SIK3: variants seen among roughly 807,000 people sequenced by gnomAD.
SIK3 encodes the protein serine/threonine-protein kinase SIK3.
A neutral mutation model predicts 144.2 loss-of-function variants in SIK3; 28 were observed. The observed-to-expected ratio is 0.19, with a 90% CI of 0.14 to 0.27. The LOEUF (loss-of-function observed/expected upper bound fraction) is 0.27. SIK3 is among the 10% of genes least tolerant of loss of function. The pLI, the probability that SIK3 is intolerant of heterozygous loss-of-function variation, is 1.00. For synonymous variants in SIK3, 686 were observed against 676.3 expected, an observed-to-expected ratio of 1.01 and a Z score of -0.22; for missense variants, 1,319 against 1,776.0, an observed-to-expected ratio of 0.74 and a Z score of 4.62.
intron 5 of SIK3, 114 bp downstream of exon 5, chr11:116,897,079 G>T: frequency 9.0e-7 from 1 of 1,113,936 alleles, no homozygotes; most frequent in Non-Finnish European, 1.2e-6. Context: ...TGAAAGAACA[G>T]GTGACCAGGA....
intron 1 of SIK3, among the ~76,000 whole-genome samples, chr11:117,068,773 A>T (rs541846584): frequency 1.8e-4 from 28 of 152,376 alleles, no homozygotes; most frequent in South Asian, 4.1e-4. Flanking sequence ...GCCTTTGGTT[A>T]TTCCTAACCC....
At chr11:117,090,915 T>C (rs1243286341) in intron 1 of SIK3, among the ~76,000 whole-genome samples, 3 of 152,250 alleles carry the variant, frequency 2.0e-5, no homozygotes, top group Non-Finnish European at 4.4e-5. Flanking sequence ...TTGGTTTGTC[T>C]TATAGAAAGG....
chr11:117,017,980 G>A (rs933799950), intron 1 of SIK3, among the ~76,000 whole-genome samples: 4 of 152,030 alleles, frequency 2.6e-5, no homozygotes, highest in South Asian at 2.1e-4. Context: ...ATGAAAATAC[G>A]AACACTTCAT....
intron 1 of SIK3, among the ~76,000 whole-genome samples, chr11:116,966,484 T>C (rs539222051): frequency 9.5e-4 from 145 of 152,302 alleles, no homozygotes; most frequent in African/African-American, 3.4e-3. Context: ...CTTATACACA[T>C]AGCTTGAAGG....
At chr11:117,082,615 G>A (rs1378673174) in intron 1 of SIK3, among the ~76,000 whole-genome samples, 1 of 152,186 alleles carries the variant, frequency 6.6e-6, no homozygotes, top group Non-Finnish European at 1.5e-5. Flanking sequence ...TTAGGGCTGA[G>A]AAGAGAGGTT....
intron 1 of SIK3, among the ~76,000 whole-genome samples, chr11:116,985,667 T>C (rs1412391012): frequency 6.6e-6 from 1 of 152,248 alleles, no homozygotes; most frequent in Non-Finnish European, 1.5e-5. Context: ...CTTGCATGTA[T>C]GATACTAAGA....
chr11:116,858,915 T>G lies in SIK3; in HGVS notation c.2766-216A>C, dbSNP rs1383340257. Among the ~76,000 whole-genome samples, 1 of 152,118 alleles carries G rather than the reference T, an allele frequency of 6.6e-6. No homozygotes were observed. The highest frequency in any genetic ancestry group is 1.5e-5 in the Non-Finnish European group (1 of 68,014). On this transcript the variant is annotated intron_variant, in intron 20 of 24. Transcript: ENST00000445177. This position sits in a 1 kb window ranked among gnomAD's most constrained non-coding sequence, Gnocchi z 5.4. The stretch of plus-strand genomic sequence containing the variant: ...GCACTGCGTGGGTAATAGATCTAGC[T>G]CATTTTGAAGGAAGCAACTTCAAGA...
intron 3 of SIK3, among the ~76,000 whole-genome samples, chr11:116,930,412 A>G (rs985133887): frequency 2.6e-5 from 4 of 152,224 alleles, no homozygotes; most frequent in Non-Finnish European, 4.4e-5. Flanking sequence ...TATATGCTCT[A>G]GAGGCAGGCA....
chr11:117,074,314 C>A (rs1565618172), intron 1 of SIK3, among the ~76,000 whole-genome samples: 1 of 152,150 alleles, frequency 6.6e-6, no homozygotes, highest in Non-Finnish European at 1.5e-5. Flanking sequence ...AGGTCTACTT[C>A]CTCTTATTTT....
chr11:117,088,502 C>T (rs568918303), intron 1 of SIK3, among the ~76,000 whole-genome samples: 1 of 152,186 alleles, frequency 6.6e-6, no homozygotes, highest in Admixed American at 6.5e-5. Flanking sequence ...ACAAACTCAG[C>T]TCTTATTTTT....
chr11:116,844,407 AATAATG>A lies in SIK3; in HGVS notation c.*1230_*1235del, dbSNP rs1047714942. ...AAAATTCCTTTTCTCTTTATTTATT[AATAATG>A]ATAATAACAATAATATCAACATTTA... On this transcript the variant is annotated 3_prime_UTR_variant, in exon 25 of 25. Transcript: ENST00000445177. 5.9e-5 allele frequency: 9 copies of A among 151,542 alleles called. No homozygotes were observed. The highest frequency in any genetic ancestry group is 2.6e-4 in the Admixed American group (4 of 15,160). 9.4% of individuals were successfully genotyped at this position (151,542 alleles called of 1,614,324 possible). A position where few individuals can be genotyped will look rare whatever the true frequency, so the allele number is the denominator to read the frequency against.
At chr11:116,973,496 G>A (rs1035500503) in intron 1 of SIK3, among the ~76,000 whole-genome samples, 9 of 152,140 alleles carry the variant, frequency 5.9e-5, no homozygotes, top group African/African-American at 7.2e-5. Context: ...AAGTAAATAT[G>A]TCAGGCTCCT....
Position 117,029,487 on chromosome 11 carries a change from T to C in SIK3, c.273+68656A>G, listed in dbSNP as rs1565574353. Among the ~76,000 whole-genome samples, 3 of 152,048 alleles carry C rather than the reference T, an allele frequency of 2.0e-5. 1 individual carries two copies. The South Asian group carries it at 6.2e-4, about 32-fold the overall frequency. On this transcript the variant is annotated intron_variant, in intron 1 of 24. Coordinates refer to ENST00000445177, the MANE Select transcript of SIK3 (RefSeq NM_001366686.3). The stretch of plus-strand genomic sequence containing the variant: ...TAAAATTAAAAATTAAAAGACAAAA[T>C]GGTTTTAATGTGAAGGATGAAACTG...
chr11:116,893,089 T>A (rs573762434), intron 6 of SIK3, among the ~76,000 whole-genome samples: 1 of 152,118 alleles, frequency 6.6e-6, no homozygotes, highest in African/African-American at 2.4e-5. Flanking sequence ...CACAGAGGAT[T>A]TGGGGGCAGT....
intron 3 of SIK3, among the ~76,000 whole-genome samples, chr11:116,940,345 T>G (rs1290163178): frequency 6.6e-6 from 1 of 151,374 alleles, no homozygotes; most frequent in South Asian, 2.1e-4. Flanking sequence ...TTCTTGTACC[T>G]CAGCCTCCCG....
chr11:117,014,834 C>G (rs1406671922), intron 1 of SIK3, among the ~76,000 whole-genome samples: 2 of 152,168 alleles, frequency 1.3e-5, no homozygotes, highest in Admixed American at 6.6e-5. Context: ...GAGGCCGAGG[C>G]AGGTGAATGG....
intron 4 of SIK3, among the ~76,000 whole-genome samples, chr11:116,915,490 T>A (rs2135003439): frequency 6.6e-6 from 1 of 152,330 alleles, no homozygotes; most frequent in East Asian, 1.9e-4. Context: ...CATTACTTAT[T>A]AGCACTTCTT....
chr11:117,071,620 T>C (rs1324556063), intron 1 of SIK3, among the ~76,000 whole-genome samples: 1 of 151,850 alleles, frequency 6.6e-6, no homozygotes. Flanking sequence ...TTCCAAGAGT[T>C]GTTGTTTTGT....
chr11:116,933,740 A>G (rs957207084), intron 3 of SIK3, among the ~76,000 whole-genome samples: 2 of 152,156 alleles, frequency 1.3e-5, no homozygotes, highest in African/African-American at 4.8e-5. Flanking sequence ...TCCTACACTC[A>G]AACAATTAAG....
Sources: allele counts gnomAD v4.1 joint callset (sites outside exome capture counted in the v4.1 genomes callset), GRCh38; gene constraint gnomAD v4.1.1; non-coding constraint Gnocchi (gnomAD v3.1); transcripts MANE v1.5; gene names NCBI Gene and HGNC (gene_info 2026-07-23, HGNC 2026-07-21).